MKLN1: variants seen among roughly 807,000 people sequenced by gnomAD.
The protein encoded by MKLN1 is muskelin.
MKLN1 carries 18 observed loss-of-function variants against 99.0 expected under a neutral mutation model. The observed-to-expected ratio is 0.18, with a 90% CI of 0.13 to 0.27. The LOEUF (loss-of-function observed/expected upper bound fraction) is 0.27, where lower values mean the gene tolerates loss of function less well. MKLN1 is among the 10% of genes least tolerant of loss of function. The pLI is 1.00. For missense variants in MKLN1, 621 were observed against 875.9 expected, an observed-to-expected ratio of 0.71 and a Z score of 3.67; for synonymous variants, 288 against 293.2, an observed-to-expected ratio of 0.98 and a Z score of 0.18.
intron 16 of MKLN1, among the ~76,000 whole-genome samples, chr7:131,473,375 T>TC (rs1796881859): frequency 6.6e-6 from 1 of 152,198 alleles, no homozygotes; most frequent in Non-Finnish European, 1.5e-5. Flanking sequence ...ATTTTTTTTT[T>TC]CACAGTTGTT....
At chr7:131,244,611 G>C (rs1797457123) in intron 3 of MKLN1, among the ~76,000 whole-genome samples, 1 of 152,198 alleles carries the variant, frequency 6.6e-6, no homozygotes, top group Non-Finnish European at 1.5e-5. Flanking sequence ...GTTGCTACTA[G>C]GATGGTCTGC....
At chr7:131,407,955 GTCA>G (rs902925986) in intron 6 of MKLN1, among the ~76,000 whole-genome samples, 25 of 151,796 alleles carry the variant, frequency 1.6e-4, no homozygotes, top group African/African-American at 5.8e-4. Context: ...CTGCATCATT[GTCA>G]TCATCATCAT....
chr7:131,455,618 G>T (rs940511106), intron 12 of MKLN1, among the ~76,000 whole-genome samples: 17 of 152,070 alleles, frequency 1.1e-4, no homozygotes, highest in African/African-American at 3.4e-4. Context: ...TTTCTAAACT[G>T]GTTAAGGTTA....
chr7:131,166,107 A>G (rs1219530193), intron 2 of MKLN1, among the ~76,000 whole-genome samples: 1 of 151,890 alleles, frequency 6.6e-6, no homozygotes, highest in Non-Finnish European at 1.5e-5. Context: ...TCTGTTTCAA[A>G]AAAAAAAGAA....
chr7:131,454,123 TGAC>T (rs1342237063), intron 12 of MKLN1, among the ~76,000 whole-genome samples: 1 of 152,046 alleles, frequency 6.6e-6, no homozygotes, highest in African/African-American at 2.4e-5. Context: ...TATATTTTTT[TGAC>T]TAAGCATTTT....
intron 1 of MKLN1, among the ~76,000 whole-genome samples, chr7:131,341,788 G>T (rs547329384): frequency 3.3e-5 from 5 of 152,326 alleles, no homozygotes; most frequent in African/African-American, 1.2e-4. Context: ...TAGATCCCTT[G>T]CATGTGCAGT....
At chr7:131,135,717 G>C (rs1795639948) in intron 1 of MKLN1, among the ~76,000 whole-genome samples, 1 of 152,182 alleles carries the variant, frequency 6.6e-6, no homozygotes, top group Non-Finnish European at 1.5e-5. Flanking sequence ...TGATGTCATG[G>C]AGGTCATTGC....
At chr7:131,350,633 C>T (rs1315160227) in intron 1 of MKLN1, among the ~76,000 whole-genome samples, 1 of 152,188 alleles carries the variant, frequency 6.6e-6, no homozygotes, top group Non-Finnish European at 1.5e-5. Flanking sequence ...TTTATTGCCA[C>T]GTGGGCATCT....
intron 9 of MKLN1, among the ~76,000 whole-genome samples, chr7:131,432,604 C>T (rs1284819234): frequency 1.3e-5 from 2 of 152,060 alleles, no homozygotes; most frequent in Non-Finnish European, 2.9e-5. Flanking sequence ...CCTGCCACCA[C>T]GCCTGGCTAA....
intron 3 of MKLN1, among the ~76,000 whole-genome samples, chr7:131,261,250 C>A (rs1797727666): frequency 6.6e-6 from 1 of 152,072 alleles, no homozygotes; most frequent in South Asian, 2.1e-4. Flanking sequence ...ATGCATCCGG[C>A]AAAGGTCTAA....
intron 2 of MKLN1, among the ~76,000 whole-genome samples, chr7:131,192,574 C>G (rs1240940649): frequency 1.4e-5 from 2 of 148,128 alleles, no homozygotes; most frequent in East Asian, 1.9e-4. Flanking sequence ...TGGAGTCTCA[C>G]CCTGTCGCCC....
intron 6 of MKLN1, among the ~76,000 whole-genome samples, chr7:131,405,035 A>G (rs943097608): frequency 1.1e-4 from 16 of 152,318 alleles, no homozygotes; most frequent in African/African-American, 3.6e-4. Flanking sequence ...TTTAAACATC[A>G]TAGGACTAAT....
At chr7:131,317,177 A>G (rs940373212) in intron 3 of MKLN1, among the ~76,000 whole-genome samples, 25 of 152,232 alleles carry the variant, frequency 1.6e-4, no homozygotes, top group Non-Finnish European at 2.9e-5. Context: ...ATTGAAACGA[A>G]GGAAAAAATG....
chr7:131,411,123 T>A (rs1262675544), intron 6 of MKLN1, among the ~76,000 whole-genome samples, 183 bp from the exon 7 acceptor site: 1 of 152,248 alleles, frequency 6.6e-6, no homozygotes, highest in African/African-American at 2.4e-5. Context: ...AATATTTTAC[T>A]ATTTATATTT....
intron 3 of MKLN1, among the ~76,000 whole-genome samples, chr7:131,232,081 T>C (rs1453028964): frequency 6.6e-6 from 1 of 152,246 alleles, no homozygotes; most frequent in Middle Eastern, 3.2e-3. Flanking sequence ...TTTTATTTAT[T>C]TGGATCAGTG....
rs1036831741 is a variant in MKLN1 at position 131,489,829 on chromosome 7, G to A, written c.*2101G>A. ...ACTAGTCTTTTTGGAAAACATGTTT[G>A]TTTTAATTTCATCTTCCCTCACTTT... is the stretch of plus-strand genomic sequence containing the variant. On this transcript the variant is annotated 3_prime_UTR_variant, in exon 18 of 18. Transcript: ENST00000352689. 3.3e-5 allele frequency: 5 copies of A among 151,936 alleles called. No homozygotes were observed. Among genetic ancestry groups the A allele is most frequent in the African/African-American group, 1.2e-4 (5 of 41,400 alleles). 9.4% of individuals were successfully genotyped at this position (151,936 alleles called of 1,614,324 possible). A position where few individuals can be genotyped will look rare whatever the true frequency, so the allele number is the denominator to read the frequency against.
intron 3 of MKLN1, among the ~76,000 whole-genome samples, chr7:131,271,857 T>C (rs1797890385): frequency 6.6e-6 from 1 of 151,180 alleles, no homozygotes; most frequent in African/African-American, 2.4e-5. Context: ...TGCAGTGAAC[T>C]GAGATTGTGC....
intron 1 of MKLN1, among the ~76,000 whole-genome samples, chr7:131,340,444 A>G (rs558405764): frequency 1.3e-5 from 2 of 151,820 alleles, no homozygotes; most frequent in African/African-American, 2.4e-5. Flanking sequence ...ACGCCTGGCT[A>G]ATTTTTGTAT....
chr7:131,183,715 AG>A (rs1479466839), intron 2 of MKLN1, among the ~76,000 whole-genome samples: 1 of 152,332 alleles, frequency 6.6e-6, no homozygotes, highest in Middle Eastern at 3.4e-3. Context: ...GAAGTTTTCC[AG>A]CCAGGCAATC....
Sources: allele counts gnomAD v4.1 joint callset (sites outside exome capture counted in the v4.1 genomes callset), GRCh38; gene constraint gnomAD v4.1.1; transcripts MANE v1.5; gene names NCBI Gene and HGNC (gene_info 2026-07-23, HGNC 2026-07-21).